CHRM3: variants seen among roughly 807,000 people sequenced by gnomAD.
CHRM3 encodes the protein muscarinic acetylcholine receptor M3.
In CHRM3, 11 loss-of-function variants were observed where a neutral mutation model predicts 41.8. The observed-to-expected ratio is 0.26, with a 90% confidence interval of 0.17 to 0.44. The LOEUF is 0.44. CHRM3 is among the 20% of genes least tolerant of loss of function. The pLI, the probability that CHRM3 is intolerant of heterozygous loss-of-function variation, is 1.00. For synonymous variants in CHRM3, 297 were observed against 301.4 expected, an observed-to-expected ratio of 0.99 and a Z score of 0.15; for missense variants, 571 against 745.4, an observed-to-expected ratio of 0.77 and a Z score of 2.72.
intron 5 of CHRM3, among the ~76,000 whole-genome samples, chr1:239,765,651 C>T (rs998034650): frequency 6.7e-6 from 1 of 149,956 alleles, no homozygotes; most frequent in Non-Finnish European, 1.5e-5. Context: ...AAGAGCCCAA[C>T]TTCTTTCTTT....
At chr1:239,754,684 C>T (rs566385078) in intron 5 of CHRM3, among the ~76,000 whole-genome samples, 9 of 152,304 alleles carry the variant, frequency 5.9e-5, no homozygotes, top group Middle Eastern at 3.4e-3. Flanking sequence ...AGGCAGTCCA[C>T]TCACACTATG....
At chr1:239,465,905 A>G (rs146015267) in intron 1 of CHRM3, among the ~76,000 whole-genome samples, 160 of 152,212 alleles carry the variant, frequency 1.1e-3, no homozygotes, top group African/African-American at 3.8e-3. Flanking sequence ...AGCAAGACCA[A>G]CTGCTCCTCT....
intron 3 of CHRM3, among the ~76,000 whole-genome samples, chr1:239,572,749 A>G (rs1253302844): frequency 6.6e-6 from 1 of 152,182 alleles, no homozygotes; most frequent in Non-Finnish European, 1.5e-5. Flanking sequence ...GTCAGCTCTT[A>G]ATGGATGTGA....
intron 3 of CHRM3, among the ~76,000 whole-genome samples, chr1:239,599,646 TAA>T (rs1665267363): frequency 6.6e-6 from 1 of 152,134 alleles, no homozygotes; most frequent in South Asian, 2.1e-4. Context: ...GAAAATATGA[TAA>T]GTCAAAAATG....
At chr1:239,622,822 T>C in intron 3 of CHRM3, among the ~76,000 whole-genome samples, 1 of 152,210 alleles carries the variant, frequency 6.6e-6, no homozygotes, top group East Asian at 1.9e-4. Context: ...TGGTTCCAAT[T>C]TTTAAAAAGT....
intron 5 of CHRM3, among the ~76,000 whole-genome samples, chr1:239,692,229 A>G (rs1014667299): frequency 7.9e-5 from 12 of 152,164 alleles, no homozygotes; most frequent in Admixed American, 5.2e-4. Flanking sequence ...TCATCTTCCT[A>G]TGAACTTTGT....
intron 1 of CHRM3, among the ~76,000 whole-genome samples, chr1:239,490,196 C>T (rs1259302141): frequency 1.3e-5 from 2 of 152,178 alleles, no homozygotes; most frequent in African/African-American, 4.8e-5. Context: ...TTGGTTTTGA[C>T]TTCAAAGTTG....
chr1:239,586,961 G>A (rs1051453508), intron 3 of CHRM3, among the ~76,000 whole-genome samples: 2 of 152,304 alleles, frequency 1.3e-5, no homozygotes, highest in East Asian at 3.9e-4. Context: ...TTTGGATAAA[G>A]CTGGATTTGA....
At chr1:239,433,762 G>A (rs562505756) in intron 1 of CHRM3, among the ~76,000 whole-genome samples, 5 of 152,222 alleles carry the variant, frequency 3.3e-5, no homozygotes, top group East Asian at 3.9e-4. Flanking sequence ...CTCCAGTTCC[G>A]TTCAGGTTGC....
At chr1:239,535,577 C>T (rs1338635421) in intron 2 of CHRM3, among the ~76,000 whole-genome samples, 1 of 151,398 alleles carries the variant, frequency 6.6e-6, no homozygotes, top group African/African-American at 2.4e-5. Context: ...AATACTCTTA[C>T]AGTCTTGTTA....
At chr1:239,890,347 CA>C (rs10713647) in intron 6 of CHRM3, among the ~76,000 whole-genome samples, 93,270 of 142,720 alleles carry the variant, frequency 0.65, 29,654 homozygotes, top group East Asian at 0.71. Flanking sequence ...GACTCTATCT[CA>C]AAAAAAAAAA....
chr1:239,399,291 T>C (rs912305088), intron 1 of CHRM3, among the ~76,000 whole-genome samples: 2 of 152,036 alleles, frequency 1.3e-5, no homozygotes, highest in Non-Finnish European at 2.9e-5. Context: ...TGGTACTTTG[T>C]GAAATGATTA....
chr1:239,787,853 G>C (rs959868810), intron 5 of CHRM3, among the ~76,000 whole-genome samples: 1 of 152,142 alleles, frequency 6.6e-6, no homozygotes, highest in Non-Finnish European at 1.5e-5. Context: ...GGAATTAAAT[G>C]TAAAAAGATT....
At chr1:239,700,463 T>C (rs1277920453) in intron 5 of CHRM3, among the ~76,000 whole-genome samples, 1 of 152,190 alleles carries the variant, frequency 6.6e-6, no homozygotes, top group Non-Finnish European at 1.5e-5. Flanking sequence ...TTCTATGCAT[T>C]AATGCTGGTA....
chr1:239,683,579 G>T (rs1344057682), intron 5 of CHRM3, among the ~76,000 whole-genome samples: 1 of 152,052 alleles, frequency 6.6e-6, no homozygotes, highest in African/African-American at 2.4e-5. Context: ...GATGTGCTAG[G>T]TCTAAAGATT....
chr1:239,533,984 A>G (rs1298410932), intron 2 of CHRM3, among the ~76,000 whole-genome samples: 1 of 152,030 alleles, frequency 6.6e-6, no homozygotes, highest in Non-Finnish European at 1.5e-5. Flanking sequence ...CTTGCTAGTT[A>G]TGGGGAGGCT....
chr1:239,620,827 A>G (rs1668279068), intron 3 of CHRM3, among the ~76,000 whole-genome samples: 1 of 152,168 alleles, frequency 6.6e-6, no homozygotes, highest in South Asian at 2.1e-4. Flanking sequence ...TTAGATTCAC[A>G]GGCATTGATG....
intron 5 of CHRM3, among the ~76,000 whole-genome samples, chr1:239,713,575 C>T (rs1441186439): frequency 3.9e-5 from 6 of 152,186 alleles, no homozygotes; most frequent in Non-Finnish European, 7.3e-5. Flanking sequence ...TTTGCACAAA[C>T]ACCAACATCA....
intron 3 of CHRM3, among the ~76,000 whole-genome samples, chr1:239,564,719 G>C (rs1235454340): frequency 6.6e-6 from 1 of 152,188 alleles, no homozygotes; most frequent in East Asian, 1.9e-4. Context: ...TCATTAAGGA[G>C]ACACAGCTAG....
Sources: allele counts gnomAD v4.1 joint callset (sites outside exome capture counted in the v4.1 genomes callset), GRCh38; gene constraint gnomAD v4.1.1; transcripts MANE v1.5; gene names NCBI Gene and HGNC (gene_info 2026-07-23, HGNC 2026-07-21).